Variants in LARGE1 observed in about 807,000 individuals in gnomAD.
LARGE1 encodes xylosyl- and glucuronyltransferase LARGE1.
In LARGE1, 43 loss-of-function variants were observed where a neutral mutation model predicts 87.6. That is an observed-to-expected ratio of 0.49 (90% confidence interval 0.38 to 0.63). LARGE1 has a LOEUF of 0.63. LARGE1 is among the 30% of genes least tolerant of loss of function. The pLI is 0.00. For missense variants in LARGE1, 802 were observed against 1,000.2 expected (o/e 0.80, Z 2.67); for synonymous variants, 434 against 394.6 (o/e 1.10, Z -1.18).
chr22:33,469,564 C>T (rs2068746979), intron 6 of LARGE1, among the ~76,000 whole-genome samples: 1 of 152,068 alleles, frequency 6.6e-6, no homozygotes, highest in Non-Finnish European at 1.5e-5. Flanking sequence ...CTATCTATTG[C>T]CTGTAATCCC....
At chr22:33,504,200 T>C (rs571488952) in intron 6 of LARGE1, among the ~76,000 whole-genome samples, 49 of 152,320 alleles carry the variant, frequency 3.2e-4, no homozygotes, top group African/African-American at 1.2e-3. Context: ...TGGATTGTGG[T>C]GAGGTTCACA....
intron 7 of LARGE1, among the ~76,000 whole-genome samples, chr22:33,399,135 T>C (rs964185124): frequency 2.0e-5 from 3 of 151,862 alleles, no homozygotes; most frequent in Admixed American, 2.0e-4. Context: ...TCCCTCCGCT[T>C]CCCCCCGCCC....
chr22:33,780,323 AAC>A (rs2085378796), intron 1 of LARGE1, among the ~76,000 whole-genome samples: 1 of 152,186 alleles, frequency 6.6e-6, no homozygotes, highest in African/African-American at 2.4e-5. Context: ...TTCAACCCAT[AAC>A]AGTTACCTGC....
At chr22:33,220,195 A>G (rs1925391852) in intron 11 of LARGE1, among the ~76,000 whole-genome samples, 1 of 152,192 alleles carries the variant, frequency 6.6e-6, no homozygotes, top group Admixed American at 6.5e-5. Flanking sequence ...CGCACAGCTC[A>G]GGAGGAATGA....
chr22:33,152,377 C>T, the LARGE1 span, among the ~76,000 whole-genome samples: 19 of 152,214 alleles, frequency 1.2e-4, no homozygotes, highest in African/African-American at 4.6e-4. Flanking sequence ...GTTTCCACTC[C>T]TTGCCTCATG....
At chr22:33,611,555 C>T (rs1239604683) in intron 4 of LARGE1, among the ~76,000 whole-genome samples, 1 of 152,162 alleles carries the variant, frequency 6.6e-6, no homozygotes, top group Non-Finnish European at 1.5e-5. Context: ...GAAGTAAATA[C>T]TGCGTTTTGA....
At chr22:33,340,229 T>G (rs895454557) in intron 9 of LARGE1, among the ~76,000 whole-genome samples, 2 of 151,786 alleles carry the variant, frequency 1.3e-5, no homozygotes, top group Non-Finnish European at 2.9e-5. Context: ...AAAGTAGGCT[T>G]GGAACCTCTG....
intron 1 of LARGE1, among the ~76,000 whole-genome samples, chr22:33,771,687 C>G (rs897187948): frequency 6.6e-6 from 1 of 152,190 alleles, no homozygotes; most frequent in African/African-American, 2.4e-5. Context: ...GGCCTCTCTT[C>G]TTAGCTCCAG....
chr22:33,903,623 G>A (rs576040229), intron 1 of LARGE1, among the ~76,000 whole-genome samples: 93 of 152,122 alleles, frequency 6.1e-4, no homozygotes, highest in African/African-American at 2.2e-3. Context: ...TCAAGAGATC[G>A]AGACCAGCCT....
the LARGE1 span, among the ~76,000 whole-genome samples, chr22:33,090,189 AG>A: frequency 6.6e-6 from 1 of 152,236 alleles, no homozygotes; most frequent in African/African-American, 2.4e-5. Flanking sequence ...TGGGTGACAG[AG>A]CAAGACTCCG....
At position 33,719,649 on chromosome 22, in the gene LARGE1, T is replaced by G. The variant is rs907826454; in HGVS notation, c.106+41722A>C. Among the ~76,000 whole-genome samples, 5 of 151,930 alleles carry G rather than the reference T, an allele frequency of 3.3e-5. No homozygotes were observed. The South Asian group carries it at 6.2e-4, about 19-fold the overall frequency. Reference sequence around the variant, plus strand: ...AATTCTCCTGCCTCAGCCTCCTGAGTAGCTGGGACTACAGGTGCCCACCAC... The same window carrying G: ...AATTCTCCTGCCTCAGCCTCCTGAGGAGCTGGGACTACAGGTGCCCACCAC... On this transcript the variant is annotated intron_variant, in intron 2 of 14. Transcript: ENST00000397394.
intron 10 of LARGE1, among the ~76,000 whole-genome samples, chr22:33,333,478 C>T (rs574339617): frequency 3.9e-5 from 6 of 152,296 alleles, no homozygotes; most frequent in South Asian, 2.1e-4. Context: ...ACAGTCAGGG[C>T]GCCTCCTGGT....
chr22:33,228,950 C>T (rs777433761), intron 11 of LARGE1, among the ~76,000 whole-genome samples: 2 of 152,112 alleles, frequency 1.3e-5, no homozygotes, highest in Non-Finnish European at 1.5e-5. Context: ...CCTTGAAATG[C>T]CATTCCATCT....
At chr22:33,852,815 C>T (rs1227268632) in intron 1 of LARGE1, among the ~76,000 whole-genome samples, 8 of 132,716 alleles carry the variant, frequency 6.0e-5, no homozygotes, top group African/African-American at 1.4e-4. Context: ...GAGATTGGGC[C>T]GCTGCACTCC....
intron 1 of LARGE1, among the ~76,000 whole-genome samples, chr22:33,903,565 G>T (rs536127472): frequency 6.6e-6 from 1 of 152,096 alleles, no homozygotes; most frequent in Non-Finnish European, 1.5e-5. Flanking sequence ...GGTGGCTCAC[G>T]CCTGTAATCT....
At chr22:33,210,875 G>A (rs951083733) in intron 11 of LARGE1, among the ~76,000 whole-genome samples, 8 of 152,234 alleles carry the variant, frequency 5.3e-5, no homozygotes, top group African/African-American at 1.7e-4. Flanking sequence ...TTGCCCCGGG[G>A]CCTTGCATTC....
At chr22:33,446,140 C>G (rs1181738840) in intron 6 of LARGE1, among the ~76,000 whole-genome samples, 1 of 152,112 alleles carries the variant, frequency 6.6e-6, no homozygotes, top group East Asian at 1.9e-4. Context: ...GTAATGAAAC[C>G]AACATTAAAA....
intron 6 of LARGE1, among the ~76,000 whole-genome samples, chr22:33,484,478 A>G (rs1372501352): frequency 6.6e-6 from 1 of 152,158 alleles, no homozygotes; most frequent in Non-Finnish European, 1.5e-5. Context: ...ATCTTCTTAG[A>G]GTTTCTGCAT....
At chr22:33,662,015 G>A (rs986975822) in intron 2 of LARGE1, among the ~76,000 whole-genome samples, 1 of 144,342 alleles carries the variant, frequency 6.9e-6, no homozygotes, top group African/African-American at 2.6e-5. Context: ...GGGCCACACT[G>A]GAAGAAGAAT....
Sources: gnomAD v4.1 joint callset for allele counts (sites outside exome capture counted in the v4.1 genomes callset) on GRCh38, gnomAD v4.1.1 for gene constraint, MANE v1.5 for transcripts, NCBI Gene and HGNC (gene_info 2026-07-23, HGNC 2026-07-21) for gene names.